Variants in RIT2 observed in about 807,000 individuals in gnomAD.
RIT2 encodes Ras like without CAAX 2.
Under a neutral mutation model 23.7 loss-of-function variants are expected in RIT2, and 24 were observed. That is an observed-to-expected ratio of 1.01 (90% CI 0.73 to 1.43). RIT2 has a LOEUF of 1.43. Ranked by LOEUF, RIT2 falls within the 40% of genes most tolerant of loss-of-function variation. RIT2 has a pLI of 0.00. For synonymous variants in RIT2, 107 were observed against 91.1 expected, an observed-to-expected ratio of 1.17 and a Z score of -0.99; for missense variants, 236 against 266.9, an observed-to-expected ratio of 0.88 and a Z score of 0.81.
chr18:43,109,951 A>G (rs1157005190), intron 1 of RIT2, among the ~76,000 whole-genome samples: 1 of 152,120 alleles, frequency 6.6e-6, no homozygotes, highest in Non-Finnish European at 1.5e-5. Flanking sequence ...TGATAGAAAA[A>G]CAATTTAGAT....
intron 2 of RIT2, among the ~76,000 whole-genome samples, chr18:43,023,758 T>A (rs1305293617): frequency 6.6e-6 from 1 of 152,064 alleles, no homozygotes; most frequent in Non-Finnish European, 1.5e-5. Flanking sequence ...CACATATAGC[T>A]ATATACTAAA....
At chr18:42,778,897 GA>G (rs1913741498) in intron 4 of RIT2, among the ~76,000 whole-genome samples, 1 of 152,140 alleles carries the variant, frequency 6.6e-6, no homozygotes, top group Admixed American at 6.6e-5. Flanking sequence ...TTGCAGCTCT[GA>G]AAAATCTATT....
intron 4 of RIT2, among the ~76,000 whole-genome samples, chr18:42,870,873 C>A (rs1907604649): frequency 6.6e-6 from 1 of 152,156 alleles, no homozygotes; most frequent in African/African-American, 2.4e-5. Context: ...TTTCAATAGC[C>A]TTATAGTACA....
chr18:43,036,132 A>G (rs1365532323), intron 1 of RIT2, among the ~76,000 whole-genome samples: 1 of 152,228 alleles, frequency 6.6e-6, no homozygotes, highest in African/African-American at 2.4e-5. Context: ...AAGAAAGAAG[A>G]TATGAAAGCA....
At chr18:42,927,375 T>C (rs1178979771) in intron 3 of RIT2, among the ~76,000 whole-genome samples, 3 of 35,418 alleles carry the variant, frequency 8.5e-5, no homozygotes, top group African/African-American at 1.2e-4. Context: ...ATGTGGTGTG[T>C]GTGTGTGTGT....
intron 4 of RIT2, among the ~76,000 whole-genome samples, chr18:42,856,990 G>A (rs1378247909): frequency 6.6e-6 from 1 of 151,810 alleles, no homozygotes; most frequent in Non-Finnish European, 1.5e-5. Flanking sequence ...CACCACGCCC[G>A]GCTAATTTTT....
intron 2 of RIT2, among the ~76,000 whole-genome samples, chr18:43,026,910 TAAGAAGACCAAATGC>T (rs1245012950): frequency 1.3e-5 from 2 of 151,894 alleles, no homozygotes; most frequent in African/African-American, 4.8e-5. Context: ...AGAGAGACAA[TAAGAAGACCAAATGC>T]AAGAAGACCA....
At chr18:42,981,395 A>C (rs764072412) in intron 2 of RIT2, among the ~76,000 whole-genome samples, 1 of 152,172 alleles carries the variant, frequency 6.6e-6, no homozygotes, top group Non-Finnish European at 1.5e-5. Context: ...ATGACTCTTC[A>C]TCCTCATCTG....
intron 4 of RIT2, among the ~76,000 whole-genome samples, chr18:42,747,689 C>T (rs1912950739): frequency 6.6e-6 from 1 of 151,734 alleles, no homozygotes; most frequent in Non-Finnish European, 1.5e-5. Context: ...GGTATATAGG[C>T]ATATAGATAA....
chr18:43,086,180 T>C (rs1418991556), intron 1 of RIT2, among the ~76,000 whole-genome samples: 1 of 152,162 alleles, frequency 6.6e-6, no homozygotes, highest in African/African-American at 2.4e-5. Flanking sequence ...AAATATGTTA[T>C]GCTTTAATGA....
chr18:43,050,775 A>G (rs1912361976), intron 1 of RIT2, among the ~76,000 whole-genome samples: 1 of 152,076 alleles, frequency 6.6e-6, no homozygotes, highest in Non-Finnish European at 1.5e-5. Context: ...AAAACCCAAA[A>G]GGACAGGGTT....
chr18:43,002,407 G>A (rs1222471598), intron 2 of RIT2, among the ~76,000 whole-genome samples: 1 of 151,870 alleles, frequency 6.6e-6, no homozygotes, highest in African/African-American at 2.4e-5. Flanking sequence ...CACCCTCACA[G>A]ACACACCCAG....
intron 4 of RIT2, among the ~76,000 whole-genome samples, chr18:42,851,967 C>G (rs1907066030): frequency 1.3e-5 from 2 of 152,178 alleles, no homozygotes; most frequent in Admixed American, 1.3e-4. Flanking sequence ...TACATGGGAT[C>G]CCACAGATGC....
intron 4 of RIT2, among the ~76,000 whole-genome samples, chr18:42,772,545 G>T (rs1913576151): frequency 2.0e-5 from 3 of 151,996 alleles, no homozygotes; most frequent in Admixed American, 6.6e-5. Flanking sequence ...ATGTATATTT[G>T]GTCTCTGCTA....
intron 2 of RIT2, among the ~76,000 whole-genome samples, chr18:43,006,509 G>A (rs1194089957): frequency 6.6e-6 from 1 of 151,480 alleles, no homozygotes; most frequent in Non-Finnish European, 1.5e-5. Flanking sequence ...AGAATTAGGA[G>A]AATTAGGAAG....
At chr18:43,114,185 A>T (rs1914015348) in intron 1 of RIT2, among the ~76,000 whole-genome samples, 1 of 151,916 alleles carries the variant, frequency 6.6e-6, no homozygotes, top group Non-Finnish European at 1.5e-5. Flanking sequence ...AATTTTTTTC[A>T]CTTTGATATG....
chr18:43,041,605 T>C (rs903398804), intron 1 of RIT2, among the ~76,000 whole-genome samples: 2 of 152,206 alleles, frequency 1.3e-5, no homozygotes, highest in Admixed American at 6.5e-5. Flanking sequence ...GTTCATACAA[T>C]GGCAGTGGTG....
chr18:43,025,140 C>T (rs774783049), intron 2 of RIT2, among the ~76,000 whole-genome samples: 3 of 150,628 alleles, frequency 2.0e-5, no homozygotes, highest in Non-Finnish European at 4.4e-5. Flanking sequence ...CCCAGGAGGC[C>T]GAGGTTGCAG....
At chr18:43,011,067 T>C (rs146227429) in intron 2 of RIT2, among the ~76,000 whole-genome samples, 179 of 151,902 alleles carry the variant, frequency 1.2e-3, no homozygotes, top group African/African-American at 4.1e-3. Context: ...AAAGGTAATA[T>C]AATAGAGTGT....
Sources: allele counts gnomAD v4.1 joint callset (sites outside exome capture counted in the v4.1 genomes callset), GRCh38; gene constraint gnomAD v4.1.1; transcripts MANE v1.5; gene names NCBI Gene and HGNC (gene_info 2026-07-23, HGNC 2026-07-21).